NLRP7: variants seen among roughly 807,000 people sequenced by gnomAD.
NLRP7 encodes the protein NLR family pyrin domain containing 7.
In NLRP7, 72 loss-of-function variants were observed where a neutral mutation model predicts 85.5. The ratio of observed to expected loss-of-function variants is 0.84; its 90% confidence interval spans 0.70 to 1.02. The LOEUF is 1.02. NLRP7 is among the 50% of genes least tolerant of loss of function. The pLI is 0.00. For synonymous variants in NLRP7, 550 were observed against 505.2 expected (o/e 1.09, Z -1.19); for missense variants, 1,243 against 1,219.5 (o/e 1.02, Z -0.29).
upstream of NLRP7, among the ~76,000 whole-genome samples, chr19:54,952,458 G>A (rs1269893828): frequency 6.6e-6 from 1 of 152,002 alleles, no homozygotes; most frequent in African/African-American, 2.4e-5. Context: ...GTCGGGCGTG[G>A]TAGCGGGTGC....
At chr19:54,929,211 A>C (rs1466005660) in intron 9 of NLRP7, among the ~76,000 whole-genome samples, 1 of 152,058 alleles carries the variant, frequency 6.6e-6, no homozygotes, top group Non-Finnish European at 1.5e-5. Flanking sequence ...TCTACTAAAA[A>C]TACAAAAATT....
chr19:54,965,538 C>T (rs2070333635), intron 1 of NLRP7, among the ~76,000 whole-genome samples: 1 of 93,982 alleles, frequency 1.1e-5, no homozygotes, highest in Admixed American at 1.0e-4. Context: ...TCACTGCAAG[C>T]TCCGCCTCCC....
At chr19:54,963,621 C>A (rs1367683633) in intron 1 of NLRP7, among the ~76,000 whole-genome samples, 2 of 151,802 alleles carry the variant, frequency 1.3e-5, no homozygotes, top group African/African-American at 2.4e-5. Flanking sequence ...GTTGGGAGTT[C>A]AAGACCACCC....
Position 54,934,802 on chromosome 19 carries a change from C to T in NLRP7, c.2301-143G>A, listed in dbSNP as rs187615756. ...TCACCTCACTGCAGCCTCCGCCTCC[C>T]GGGTTCAAGCTATTCTCCTGCCTCA... On this transcript the variant is annotated intron_variant, in intron 6 of 9. Coordinates refer to ENST00000340844, the Ensembl canonical transcript of NLRP7. The surrounding 1 kb of genome is among the most constrained non-coding windows in gnomAD (Gnocchi z 6.7). 173 of 656,288 alleles carry T rather than the reference C, an allele frequency of 2.6e-4. No individual in the cohort carries two copies. Among genetic ancestry groups the T allele is most frequent in the East Asian group, 2.3e-3 (84 of 36,188 alleles). 40.7% of individuals were successfully genotyped at this position (656,288 alleles called of 1,614,324 possible).
intron 8 of NLRP7, among the ~76,000 whole-genome samples, chr19:54,931,800 A>G (rs1385975045): frequency 6.6e-6 from 1 of 152,010 alleles, no homozygotes; most frequent in African/African-American, 2.4e-5. Flanking sequence ...CAGTGAGCCA[A>G]GATCGCACCA....
At chr19:54,959,804 T>G (rs2069978016) in intron 1 of NLRP7, among the ~76,000 whole-genome samples, 1 of 151,958 alleles carries the variant, frequency 6.6e-6, no homozygotes, top group South Asian at 2.1e-4. Flanking sequence ...CTGTAGAAAG[T>G]AAATGGAGAC....
chr19:54,950,083 C>A (rs577959091), upstream of NLRP7, among the ~76,000 whole-genome samples: 8 of 150,702 alleles, frequency 5.3e-5, no homozygotes, highest in South Asian at 2.1e-4. Flanking sequence ...GCCTGGGTGA[C>A]GGAGTTAGAC....
intron 1 of NLRP7, among the ~76,000 whole-genome samples, chr19:54,963,061 A>G (rs1602252968): frequency 1.3e-5 from 2 of 152,152 alleles, no homozygotes; most frequent in Non-Finnish European, 2.9e-5. Flanking sequence ...GGGTAGGATC[A>G]TGGCAATCAC....
chr19:54,925,669 A>G (rs903632995), intron 9 of NLRP7, among the ~76,000 whole-genome samples: 1 of 152,196 alleles, frequency 6.6e-6, no homozygotes, highest in South Asian at 2.1e-4. Context: ...AAGAAAAGAC[A>G]AAGGCAAGAA....
At chr19:54,939,099 A>C (rs145151121) in exon 4 of NLRP7, 1 of 1,614,126 alleles carries the variant, frequency 6.2e-7, no homozygotes, top group African/African-American at 1.3e-5. Flanking sequence ...TCATACAGGC[A>C]GCCCAAGACC....
Position 54,936,025 on chromosome 19 carries a change from G to A in NLRP7, c.2300+236C>T, listed in dbSNP as rs943964567. ...CAGTCAGGAATAGCATGTCCCTAAA[G>A]CTGGAACCCAGCACAGAATTCGGGG... On this transcript the variant is annotated intron_variant, in intron 6 of 9. Transcript: ENST00000340844. Among the ~76,000 whole-genome samples the A allele has an allele frequency of 2.6e-5, 4 of 152,146 alleles. No homozygotes were observed. The East Asian group carries it at 7.7e-4, about 29-fold the overall frequency.
chr19:54,955,480 A>C (rs1259173747), intron 1 of NLRP7, among the ~76,000 whole-genome samples: 2 of 152,122 alleles, frequency 1.3e-5, no homozygotes, highest in Non-Finnish European at 2.9e-5. Context: ...ACCAGCCTGG[A>C]CAACATGATG....
At chr19:54,951,468 C>T (rs1429337418), upstream of NLRP7, among the ~76,000 whole-genome samples, 1 of 151,810 alleles carries the variant, frequency 6.6e-6, no homozygotes, top group African/African-American at 2.4e-5. Flanking sequence ...TGTTTGAACC[C>T]GGGAGGCAGA....
At chr19:54,964,471 C>G in intron 1 of NLRP7, among the ~76,000 whole-genome samples, 1 of 151,670 alleles carries the variant, frequency 6.6e-6, no homozygotes, top group Admixed American at 6.5e-5. Context: ...CTGCCTCGGC[C>G]TCCCAAAGTG....
Position 54,934,004 on chromosome 19 carries a change from G to A in NLRP7, c.2472-265C>T, listed in dbSNP as rs931722633. On this transcript the variant is annotated intron_variant, in intron 7 of 9. Transcript: ENST00000340844. The surrounding 1 kb of genome is among the most constrained non-coding windows in gnomAD (Gnocchi z 6.7). ...GTCGCCCAGGCTGGAGTGCAGTGGC[G>A]CGATCTCGGTTCACTGCCAATCGCC... 3.3e-5 allele frequency among the ~76,000 whole-genome samples: 5 copies of A among 152,164 alleles called. No homozygotes were observed. Among genetic ancestry groups the A allele is most frequent in the Admixed American group, 6.6e-5 (1 of 15,264 alleles).
At chr19:54,959,288 G>A (rs1395472832) in intron 1 of NLRP7, among the ~76,000 whole-genome samples, 1 of 150,704 alleles carries the variant, frequency 6.6e-6, no homozygotes, top group East Asian at 2.0e-4. Flanking sequence ...ACAGGCGCAC[G>A]CCACCATGCC....
At chr19:54,925,161 C>T (rs2068377912) in intron 9 of NLRP7, among the ~76,000 whole-genome samples, 1 of 152,102 alleles carries the variant, frequency 6.6e-6, no homozygotes, top group African/African-American at 2.4e-5. Flanking sequence ...CCACCTTGGC[C>T]TCCCAAAGGA....
rs1182458287 is a variant in NLRP7 at position 54,933,582 on chromosome 19, G to A, written c.2629C>T (p.Leu877=). Reference sequence around the variant, plus strand: ...GCAGGGACTTACACCAAGGTCTGCAGTTTACAATCAGGGTAACTCAAGCCC... The same window carrying A: ...GCAGGGACTTACACCAAGGTCTGCAATTTACAATCAGGGTAACTCAAGCCC... Residue 877 remains leucine, a synonymous_variant, in exon 8 of 10, where the codon CTG becomes TTG. Transcript: ENST00000340844. 3.1e-6 allele frequency: 5 copies of A among 1,614,068 alleles called. No homozygotes were observed. The African/African-American group carries it at 6.7e-5, about 22-fold the overall frequency.
Position 54,936,243 on chromosome 19 carries a change from C to T in NLRP7, c.2300+18G>A, listed in dbSNP as rs1285777962. 1 of 1,610,236 alleles carries T rather than the reference C, an allele frequency of 6.2e-7. No homozygotes were observed. Among genetic ancestry groups the T allele is most frequent in the Non-Finnish European group, 8.5e-7 (1 of 1,178,046 alleles). ...GTGGACTCCAGGTGCTGGGGAGAGCCGTGACCGTGAGACCCACCTCAGGTA... is the reference window on the plus strand; with the variant it reads ...GTGGACTCCAGGTGCTGGGGAGAGCTGTGACCGTGAGACCCACCTCAGGTA... On this transcript the variant is annotated intron_variant, in intron 6 of 9. Coordinates refer to ENST00000340844, the Ensembl canonical transcript of NLRP7.
Sources: gnomAD v4.1 joint callset for allele counts (sites outside exome capture counted in the v4.1 genomes callset) on GRCh38, gnomAD v4.1.1 for gene constraint, Gnocchi (gnomAD v3.1) non-coding constraint, MANE v1.5 for transcripts, NCBI Gene and HGNC (gene_info 2026-07-23, HGNC 2026-07-21) for gene names.